The following GAB3 variants were observed in gnomAD, a reference collection of about 807,000 sequenced individuals.
GAB3 encodes the protein GRB2 associated binding protein 3.
Under a neutral mutation model 40.4 loss-of-function variants are expected in GAB3, and 12 were observed. That is an observed-to-expected ratio of 0.30 (90% CI 0.19 to 0.48). The LOEUF is 0.48. GAB3 is among the 20% of genes least tolerant of loss of function. The pLI, the probability that GAB3 is intolerant of heterozygous loss-of-function variation, is 0.99. For missense variants in GAB3, 381 were observed against 461.9 expected, an observed-to-expected ratio of 0.82 and a Z score of 1.61; for synonymous variants, 154 against 176.7, an observed-to-expected ratio of 0.87 and a Z score of 1.02.
chrX:154,715,416 G>A (rs1429210848), intron 2 of GAB3, among the ~76,000 whole-genome samples: 2 of 108,357 alleles, frequency 1.8e-5, no homozygotes, highest in African/African-American at 6.7e-5. Flanking sequence ...GTGTGTGCGT[G>A]TGTGCGTGTG....
At chrX:154,751,082 T>C (rs1485264788), upstream of GAB3, 14 of 764,933 alleles carry the variant, frequency 1.8e-5, no homozygotes, top group Non-Finnish European at 2.2e-5. Context: ...CAGAAGGAAG[T>C]CGGGCCAAGG....
At chrX:154,748,027 G>C (rs2071554460) in intron 1 of GAB3, among the ~76,000 whole-genome samples, 1 of 111,799 alleles carries the variant, frequency 8.9e-6, no homozygotes, top group South Asian at 3.7e-4. Context: ...TTAGTGTAGT[G>C]CCTGGCACAT....
intron 8 of GAB3, among the ~76,000 whole-genome samples, chrX:154,687,034 A>G (rs2070461768): frequency 9.1e-6 from 1 of 109,377 alleles, no homozygotes; most frequent in Admixed American, 9.8e-5. Context: ...TACTAAAAAT[A>G]CAAAAAAGTA....
intron 4 of GAB3, among the ~76,000 whole-genome samples, chrX:154,707,529 G>C (rs905177291): frequency 2.7e-5 from 3 of 111,768 alleles, no homozygotes; most frequent in Admixed American, 1.9e-4. Flanking sequence ...ATAACAGTTA[G>C]CAAAGTAGAA....
intron 3 of GAB3, 31 bp downstream of exon 3, chrX:154,713,176 A>G: frequency 1.8e-6 from 2 of 1,139,507 alleles, no homozygotes; most frequent in Non-Finnish European, 2.4e-6. Context: ...TAGCAGGCCC[A>G]GCTCAGACAG....
In GAB3 at chrX:154,716,279, G is replaced by A. The variant is rs782625664; in HGVS notation, c.123C>T (p.Asn41=). ...TCCTGTAGTACTCCAAGACATCGGG[G>A]TTGCCGCTCATGCGGCCTCGCCGGA... The part of the protein sequence containing the change: ...FVLRRGRMSG[N]PDVLEYYRNK... Residue 41 remains asparagine, a synonymous_variant, in exon 2 of 10, where the codon AAC becomes AAT. Transcript: ENST00000424127. 2 of 1,211,608 alleles carry A rather than the reference G, an allele frequency of 1.7e-6. No individual in the cohort carries two copies. The highest frequency in any genetic ancestry group is 5.9e-5 in the East Asian group (2 of 33,828).
At chrX:154,709,468 C>G (rs1345845704) in intron 4 of GAB3, among the ~76,000 whole-genome samples, 1 of 108,992 alleles carries the variant, frequency 9.2e-6, no homozygotes, top group African/African-American at 3.4e-5. Context: ...CCACAGGCAC[C>G]CGCCACCACA....
chrX:154,722,501 T>C (rs1557258870), intron 1 of GAB3, among the ~76,000 whole-genome samples: 1 of 112,196 alleles, frequency 8.9e-6, no homozygotes, highest in African/African-American at 3.2e-5. Flanking sequence ...TGAGATTGTA[T>C]GTTAATTTCC....
chrX:154,735,037 G>T (rs2071345584), intron 1 of GAB3, among the ~76,000 whole-genome samples: 1 of 111,570 alleles, frequency 9.0e-6, no homozygotes, highest in Non-Finnish European at 1.9e-5. Flanking sequence ...AGAAAAACAT[G>T]GGCAAAATAT....
chrX:154,751,354 A>G (rs2071616591), upstream of GAB3: 1 of 156,352 alleles, frequency 6.4e-6, no homozygotes, highest in Non-Finnish European at 1.0e-5. Context: ...GTCACGAGAA[A>G]GCGCTCGGAA....
chrX:154,742,985 C>CATATATATATATAT (rs34588574), intron 1 of GAB3, among the ~76,000 whole-genome samples: 18 of 92,319 alleles, frequency 1.9e-4, no homozygotes, highest in African/African-American at 7.1e-4. Context: ...AGTGTGTGTA[C>CATATATATATATAT]ATATATATAT....
chrX:154,706,416 A>AG (rs1491474247), intron 4 of GAB3, among the ~76,000 whole-genome samples: 1 of 22,902 alleles, frequency 4.4e-5, no homozygotes, highest in African/African-American at 1.0e-4. Context: ...ACTCCATCTC[A>AG]AAAAAAAAAA....
At chrX:154,695,483 G>A (rs1433998397) in intron 8 of GAB3, among the ~76,000 whole-genome samples, 1 of 111,894 alleles carries the variant, frequency 8.9e-6, no homozygotes, top group Non-Finnish European at 1.9e-5. Context: ...TCATCCTCCA[G>A]GAAGGTTCAG....
In GAB3 at chrX:154,688,854, C is replaced by T. The variant is rs1302380708; in HGVS notation, c.1530+7063G>A. On this transcript the variant is annotated intron_variant, in intron 8 of 9. Coordinates refer to ENST00000424127, the MANE Select transcript of GAB3 (RefSeq NM_001081573.3). ...CAGAGGTACAAGGAGGAGCTGGTAC[C>T]ATTCCTTCTGAAACTATTCCAATTA... 2.7e-5 allele frequency among the ~76,000 whole-genome samples: 3 copies of T among 111,499 alleles called. No homozygotes were observed. The East Asian group carries it at 8.4e-4, about 31-fold the overall frequency.
intron 1 of GAB3, 67 bp from the exon 2 acceptor site, chrX:154,716,396 A>G: frequency 1.0e-6 from 1 of 995,596 alleles, no homozygotes; most frequent in Middle Eastern, 3.9e-4. Flanking sequence ...CTATGCCAAG[A>G]ACCCATGTCA....
At chrX:154,747,172 A>AT (rs1443366694) in intron 1 of GAB3, among the ~76,000 whole-genome samples, 3 of 111,014 alleles carry the variant, frequency 2.7e-5, no homozygotes, top group Admixed American at 9.6e-5. Flanking sequence ...TGCCTGGCTA[A>AT]TTTTTTTTGT....
chrX:154,724,799 A>G (rs900777598), intron 1 of GAB3, among the ~76,000 whole-genome samples: 1 of 112,177 alleles, frequency 8.9e-6, no homozygotes, highest in Admixed American at 9.4e-5. Context: ...TGCTGATTAC[A>G]TAGTTAACAA....
At chrX:154,694,615 G>C (rs868953123) in intron 8 of GAB3, among the ~76,000 whole-genome samples, 7 of 111,147 alleles carry the variant, frequency 6.3e-5, no homozygotes, top group Non-Finnish European at 1.3e-4. Flanking sequence ...GGATGGTCTC[G>C]ATCTCCTGAC....
intron 1 of GAB3, among the ~76,000 whole-genome samples, chrX:154,718,606 G>C (rs1232534136): frequency 9.0e-6 from 1 of 111,223 alleles, no homozygotes; most frequent in Non-Finnish European, 1.9e-5. Context: ...AGGAGCTCAA[G>C]TTTTGCTGTG....
Sources: gnomAD v4.1 joint callset for allele counts (sites outside exome capture counted in the v4.1 genomes callset) on GRCh38, gnomAD v4.1.1 for gene constraint, MANE v1.5 for transcripts, NCBI Gene and HGNC (gene_info 2026-07-23, HGNC 2026-07-21) for gene names.